Variants in NKAIN2 observed in about 807,000 individuals in gnomAD.
NKAIN2 encodes the protein sodium/potassium-transporting ATPase subunit beta-1-interacting protein 2.
A neutral mutation model predicts 32.6 loss-of-function variants in NKAIN2; 14 were observed. The ratio of observed to expected loss-of-function variants is 0.43; its 90% CI spans 0.28 to 0.67. The LOEUF is 0.67. Ranked by LOEUF, NKAIN2 falls within the 30% of genes least tolerant of loss-of-function variation. NKAIN2 has a pLI of 0.17. For missense variants in NKAIN2, 198 were observed against 258.3 expected, an observed-to-expected ratio of 0.77 and a Z score of 1.60; for synonymous variants, 80 against 87.2, an observed-to-expected ratio of 0.92 and a Z score of 0.46.
chr6:124,260,777 CT>C (rs1273869486), intron 1 of NKAIN2, among the ~76,000 whole-genome samples: 8 of 71,456 alleles, frequency 1.1e-4, no homozygotes, highest in African/African-American at 8.3e-4. Context: ...ATGGAAAAGT[CT>C]CTAATATATG....
chr6:124,013,291 A>G (rs1354737273), intron 1 of NKAIN2, among the ~76,000 whole-genome samples: 2 of 152,220 alleles, frequency 1.3e-5, no homozygotes, highest in Non-Finnish European at 2.9e-5. Flanking sequence ...TTTATGAAGA[A>G]CAGAATCATT....
At chr6:124,737,402 T>C (rs370324894) in intron 4 of NKAIN2, among the ~76,000 whole-genome samples, 24 of 151,940 alleles carry the variant, frequency 1.6e-4, no homozygotes, top group African/African-American at 5.3e-4. Context: ...CCATCTGCCA[T>C]GATTGTAAGT....
Position 124,656,597 on chromosome 6 carries a change from C to G in NKAIN2, c.274-1589C>G, listed in dbSNP as rs561153038. Among the ~76,000 whole-genome samples the G allele has an allele frequency of 9.2e-5, 14 of 152,138 alleles. No homozygotes were observed. The East Asian group carries it at 2.5e-3, about 27-fold the overall frequency. ...AGAGACCCTGCATTGCATTAAATAT[C>G]TCATCTGTAGGTACATGATTTAGTT... is the stretch of plus-strand genomic sequence containing the variant. On this transcript the variant is annotated intron_variant, in intron 3 of 6. Coordinates refer to ENST00000368417, the MANE Select transcript of NKAIN2 (RefSeq NM_001040214.3).
intron 1 of NKAIN2, among the ~76,000 whole-genome samples, chr6:123,879,841 A>C (rs185035973): frequency 4.9e-4 from 74 of 152,246 alleles, no homozygotes; most frequent in African/African-American, 1.7e-3. Flanking sequence ...CTTCACACAG[A>C]CAACTTGTTA....
chr6:123,879,535 G>T, intron 1 of NKAIN2, among the ~76,000 whole-genome samples: 1 of 152,138 alleles, frequency 6.6e-6, no homozygotes, highest in East Asian at 1.9e-4. Flanking sequence ...TGCTCCTGGT[G>T]ATCATTCAGG....
intron 1 of NKAIN2, among the ~76,000 whole-genome samples, chr6:123,937,213 A>G (rs965271967): frequency 2.0e-5 from 3 of 152,136 alleles, no homozygotes; most frequent in African/African-American, 7.2e-5. Flanking sequence ...TACCTCAGGA[A>G]TCACCTCTTC....
Position 124,307,071 on chromosome 6 carries a change from G to A in NKAIN2, c.192+23929G>A, listed in dbSNP as rs114990737. On this transcript the variant is annotated intron_variant, in intron 2 of 6. Coordinates refer to ENST00000368417, the MANE Select transcript of NKAIN2 (RefSeq NM_001040214.3). Reference sequence around the variant, plus strand: ...TGTTACCACAGTGAGGAAAAGGCCCGCTCGGGAAGGTCTAACATAGAGGAC... The same window carrying A: ...TGTTACCACAGTGAGGAAAAGGCCCACTCGGGAAGGTCTAACATAGAGGAC... Among the ~76,000 whole-genome samples, 1,119 of 152,112 alleles carry A rather than the reference G, an allele frequency of 7.4e-3. 10 individuals carry two copies. Among genetic ancestry groups the A allele is most frequent in the African/African-American group, 0.025 (1,051 of 41,514 alleles).
chr6:124,823,708 G>A lies in NKAIN2; in HGVS notation c.*479G>A, dbSNP rs41285244. 0.043 allele frequency: 6,830 copies of A among 158,958 alleles called. 154 individuals carry two copies. The highest frequency in any genetic ancestry group is 0.067 in the Middle Eastern group (20 of 300). The allele number at this position is 158,958 out of a possible 1,614,324, so 9.8% of individuals were successfully genotyped here. A position where few individuals can be genotyped will look rare whatever the true frequency, so the allele number is the denominator to read the frequency against. ...AGGCAATGTAATTGCAAAAACAAACGAAACATGCCATGATGACCTTGTACC... is the reference window on the plus strand; with the variant it reads ...AGGCAATGTAATTGCAAAAACAAACAAAACATGCCATGATGACCTTGTACC... On this transcript the variant is annotated 3_prime_UTR_variant, in exon 7 of 7. Transcript: ENST00000368417.
chr6:124,526,238 G>T (rs182918827), intron 3 of NKAIN2, among the ~76,000 whole-genome samples: 2 of 152,258 alleles, frequency 1.3e-5, no homozygotes, highest in East Asian at 3.9e-4. Context: ...GAAGGCAAGT[G>T]CATTTAGCAG....
At chr6:124,407,966 A>T (rs1339700683) in intron 3 of NKAIN2, among the ~76,000 whole-genome samples, 2 of 151,714 alleles carry the variant, frequency 1.3e-5, no homozygotes, top group African/African-American at 4.8e-5. Flanking sequence ...GCATTTTTTC[A>T]TGTGTTTTTT....
intron 1 of NKAIN2, among the ~76,000 whole-genome samples, chr6:124,170,056 T>C (rs1052334118): frequency 5.9e-5 from 9 of 152,280 alleles, no homozygotes; most frequent in African/African-American, 1.9e-4. Flanking sequence ...AGAATGGGGA[T>C]GCAAACCATT....
chr6:124,412,494 T>C (rs1230901604), intron 3 of NKAIN2, among the ~76,000 whole-genome samples: 2 of 152,184 alleles, frequency 1.3e-5, no homozygotes, highest in Non-Finnish European at 2.9e-5. Flanking sequence ...CAGCGGATAT[T>C]GGTGAACCGC....
Position 124,487,828 on chromosome 6 carries a change from A to G in NKAIN2, c.273+132481A>G, listed in dbSNP as rs1777712838. Among the ~76,000 whole-genome samples the G allele has an allele frequency of 2.0e-5, 3 of 152,080 alleles. No homozygotes were observed. In the South Asian group the frequency reaches 6.2e-4, roughly 32 times the overall value. ...GGTGTATTGCCCATGGTCAGAGAGG[A>G]AATTAAGACTGCTGACATAGCACCA... On this transcript the variant is annotated intron_variant, in intron 3 of 6. Transcript: ENST00000368417.
intron 1 of NKAIN2, among the ~76,000 whole-genome samples, chr6:124,232,266 A>T (rs2114739271): frequency 6.6e-6 from 1 of 152,316 alleles, no homozygotes; most frequent in African/African-American, 2.4e-5. Context: ...TAATCTATGG[A>T]TTGATCAGCA....
rs565836060 is a variant in NKAIN2 at position 123,917,629 on chromosome 6, T to A, written c.54+113375T>A. Among the ~76,000 whole-genome samples, 3 of 152,266 alleles carry A rather than the reference T, an allele frequency of 2.0e-5. No individual in the cohort carries two copies. In the East Asian group the frequency reaches 5.8e-4, roughly 29 times the overall value. On this transcript the variant is annotated intron_variant, in intron 1 of 6. Transcript: ENST00000368417. ...TATTCTGCTCTTGGGCCTTTCCTTTTCCGCTTGTATTCCTTTTCTACATCC... is the reference window on the plus strand; with the variant it reads ...TATTCTGCTCTTGGGCCTTTCCTTTACCGCTTGTATTCCTTTTCTACATCC...
intron 1 of NKAIN2, among the ~76,000 whole-genome samples, chr6:123,958,322 A>G (rs1339723472): frequency 2.0e-5 from 3 of 152,242 alleles, no homozygotes; most frequent in Admixed American, 6.5e-5. Context: ...TGTCCCATGC[A>G]TTAGCCTTAT....
At chr6:124,170,446 T>G (rs895062433) in intron 1 of NKAIN2, among the ~76,000 whole-genome samples, 2 of 152,206 alleles carry the variant, frequency 1.3e-5, no homozygotes, top group Non-Finnish European at 2.9e-5. Flanking sequence ...ATAGAAAGTA[T>G]GCAGGGAGAA....
chr6:124,332,384 C>T (rs747785325), intron 2 of NKAIN2, among the ~76,000 whole-genome samples: 7 of 152,064 alleles, frequency 4.6e-5, no homozygotes, highest in Non-Finnish European at 1.0e-4. Context: ...TTACTACACA[C>T]GACACTCTAA....
At chr6:124,348,801 T>A (rs908876095) in intron 2 of NKAIN2, among the ~76,000 whole-genome samples, 2 of 152,146 alleles carry the variant, frequency 1.3e-5, no homozygotes, top group African/African-American at 2.4e-5. Context: ...AGGCATTGCC[T>A]CACTGGGGAA....
Sources: allele counts gnomAD v4.1 joint callset (sites outside exome capture counted in the v4.1 genomes callset), GRCh38; gene constraint gnomAD v4.1.1; transcripts MANE v1.5; gene names NCBI Gene and HGNC (gene_info 2026-07-23, HGNC 2026-07-21).